The following OXR1 variants were observed in gnomAD, a reference collection of about 807,000 sequenced individuals.
OXR1 encodes oxidation resistance protein 1.
A neutral mutation model predicts 104.6 loss-of-function variants in OXR1; 41 were observed. The observed-to-expected ratio is 0.39, with a 90% CI of 0.31 to 0.51. The LOEUF (loss-of-function observed/expected upper bound fraction) is 0.51, where lower values mean the gene tolerates loss of function less well. Among genes scored for constraint, OXR1 ranks in the 20% least tolerant of loss-of-function variants. The pLI, the probability that OXR1 is intolerant of heterozygous loss-of-function variation, is 0.77. For missense variants in OXR1, 955 were observed against 1,031.9 expected, an observed-to-expected ratio of 0.93 and a Z score of 1.02; for synonymous variants, 348 against 348.4, an observed-to-expected ratio of 1.00 and a Z score of 0.01.
intron 2 of OXR1, among the ~76,000 whole-genome samples, chr8:106,506,686 G>A (rs1428266817): frequency 6.6e-6 from 1 of 152,080 alleles, no homozygotes; most frequent in Non-Finnish European, 1.5e-5. Context: ...GGGAAAGAGT[G>A]AAAATAGAGC....
At chr8:106,497,926 T>C (rs1160928202) in intron 2 of OXR1, among the ~76,000 whole-genome samples, 1 of 152,164 alleles carries the variant, frequency 6.6e-6, no homozygotes, top group Non-Finnish European at 1.5e-5. Context: ...CCCTGTTTTT[T>C]TCCCCATTCT....
chr8:106,545,315 T>A (rs1456154839), intron 3 of OXR1, among the ~76,000 whole-genome samples: 1 of 152,244 alleles, frequency 6.6e-6, no homozygotes, highest in Non-Finnish European at 1.5e-5. Flanking sequence ...AGCTGGAACG[T>A]TATTTGATCT....
intron 6 of OXR1, among the ~76,000 whole-genome samples, chr8:106,689,681 T>A (rs1294352025): frequency 6.6e-6 from 1 of 152,000 alleles, no homozygotes; most frequent in Non-Finnish European, 1.5e-5. Context: ...TTAAGATATG[T>A]TGAAGGGTTA....
At chr8:106,735,188 C>T (rs1350321385) in intron 11 of OXR1, among the ~76,000 whole-genome samples, 1 of 151,382 alleles carries the variant, frequency 6.6e-6, no homozygotes, top group Non-Finnish European at 1.5e-5. Flanking sequence ...AAATTCAAAT[C>T]TCTTTTTTCT....
chr8:106,637,937 A>AT (rs969554826), intron 3 of OXR1, among the ~76,000 whole-genome samples: 31 of 149,490 alleles, frequency 2.1e-4, no homozygotes, highest in African/African-American at 7.1e-4. Context: ...ACTTTTTTGT[A>AT]TTTTTTTTTA....
intron 2 of OXR1, among the ~76,000 whole-genome samples, chr8:106,494,437 G>A (rs1186083266): frequency 6.6e-6 from 1 of 152,082 alleles, no homozygotes; most frequent in Non-Finnish European, 1.5e-5. Flanking sequence ...CAGTAGGTGT[G>A]CACTGTAAGG....
intron 3 of OXR1, among the ~76,000 whole-genome samples, chr8:106,670,009 G>T (rs1184026075): frequency 6.6e-6 from 1 of 152,144 alleles, no homozygotes; most frequent in Non-Finnish European, 1.5e-5. Flanking sequence ...GAGGACAAAG[G>T]TCTAAGGAGG....
intron 2 of OXR1, among the ~76,000 whole-genome samples, chr8:106,508,460 A>C (rs1265039993): frequency 1.4e-5 from 2 of 142,192 alleles, no homozygotes; most frequent in Admixed American, 1.5e-4. Context: ...ACTAGAACAG[A>C]TACACCTAGT....
rs1162502109 is a variant in OXR1 at position 106,671,118 on chromosome 8, C to A, written c.221-8092C>A. ...AAACTTTAATTCAGATTCAAGCATCCCTATCAACCTCTAGTGGAAACCACA... is the reference window on the plus strand; with the variant it reads ...AAACTTTAATTCAGATTCAAGCATCACTATCAACCTCTAGTGGAAACCACA... On this transcript the variant is annotated intron_variant, in intron 3 of 16. Transcript: ENST00000517566. 1.3e-5 allele frequency among the ~76,000 whole-genome samples: 2 copies of A among 149,144 alleles called. 1 individual carries two copies. The highest frequency in any genetic ancestry group is 3.9e-4 in the East Asian group (2 of 5,142).
At chr8:106,547,967 A>T (rs967693369) in intron 3 of OXR1, among the ~76,000 whole-genome samples, 3 of 152,162 alleles carry the variant, frequency 2.0e-5, no homozygotes, top group Admixed American at 1.3e-4. Context: ...CCCTGCTTTC[A>T]GTTCATTTGG....
At chr8:106,738,998 T>C (rs1347267922) in intron 12 of OXR1, among the ~76,000 whole-genome samples, 5 of 151,808 alleles carry the variant, frequency 3.3e-5, no homozygotes, top group Admixed American at 1.3e-4. Context: ...ACATTAAAAT[T>C]TTGGCACCCA....
In OXR1 at chr8:106,506,675, A is replaced by G. The variant is rs79077430; in HGVS notation, c.24-12268A>G. Among the ~76,000 whole-genome samples the G allele has an allele frequency of 6.5e-3, 993 of 152,284 alleles. 14 individuals carry two copies. The highest frequency in any genetic ancestry group is 0.023 in the African/African-American group (938 of 41,550). On this transcript the variant is annotated intron_variant, in intron 2 of 16. Transcript: ENST00000517566. Reference sequence around the variant, plus strand: ...CCCAAAGAAATAGACTACAATATCTAGGGAAAGAGTGAAAATAGAGCAGAG... The same window carrying G: ...CCCAAAGAAATAGACTACAATATCTGGGGAAAGAGTGAAAATAGAGCAGAG...
intron 3 of OXR1, among the ~76,000 whole-genome samples, chr8:106,636,316 T>A (rs1389105456): frequency 3.7e-5 from 2 of 54,566 alleles, no homozygotes; most frequent in Non-Finnish European, 7.3e-5. Flanking sequence ...AAGCACATCA[T>A]TTTTTTTTTT....
At chr8:106,521,438 A>G (rs1192926024) in intron 3 of OXR1, among the ~76,000 whole-genome samples, 1 of 152,018 alleles carries the variant, frequency 6.6e-6, no homozygotes, top group Non-Finnish European at 1.5e-5. Context: ...AATTAAATCT[A>G]TGTTCTCTTG....
chr8:106,603,926 G>T lies in OXR1; in HGVS notation c.221-75284G>T, dbSNP rs967155389. Among the ~76,000 whole-genome samples, 4 of 152,004 alleles carry T rather than the reference G, an allele frequency of 2.6e-5. No homozygotes were observed. In the East Asian group the frequency reaches 7.8e-4, roughly 30 times the overall value. ...AAATTAGCTGGGCGTGGTGGTGCATGCCTGTAGTCCCAGCTACTCGGGAGG... is the reference window on the plus strand; with the variant it reads ...AAATTAGCTGGGCGTGGTGGTGCATTCCTGTAGTCCCAGCTACTCGGGAGG... On this transcript the variant is annotated intron_variant, in intron 3 of 16. Coordinates refer to ENST00000517566, the MANE Select transcript of OXR1 (RefSeq NM_001198533.2).
intron 7 of OXR1, 95 bp from the exon 8 acceptor site, chr8:106,702,811 T>A (rs917153757): frequency 1.5e-5 from 14 of 904,896 alleles, no homozygotes; most frequent in African/African-American, 1.0e-4. Context: ...TTTTTATATA[T>A]GGCCTAACAT....
At chr8:106,720,304 A>G (rs1291606936) in intron 11 of OXR1, among the ~76,000 whole-genome samples, 1 of 152,172 alleles carries the variant, frequency 6.6e-6, no homozygotes, top group African/African-American at 2.4e-5. Flanking sequence ...TGGGGCTAGG[A>G]CCTAGTTATC....
chr8:106,295,949 C>T (rs139742703), intron 1 of OXR1, among the ~76,000 whole-genome samples: 2 of 152,178 alleles, frequency 1.3e-5, no homozygotes, highest in African/African-American at 4.8e-5. Flanking sequence ...GTGGAGATCT[C>T]AGAGCCTGGA....
intron 2 of OXR1, among the ~76,000 whole-genome samples, chr8:106,466,381 G>C (rs530362875): frequency 6.6e-6 from 1 of 151,636 alleles, no homozygotes; most frequent in South Asian, 2.1e-4. Flanking sequence ...CAGACAAGAG[G>C]GACTTCTTTT....
Sources: gnomAD v4.1 joint callset for allele counts (sites outside exome capture counted in the v4.1 genomes callset) on GRCh38, gnomAD v4.1.1 for gene constraint, MANE v1.5 for transcripts, NCBI Gene and HGNC (gene_info 2026-07-23, HGNC 2026-07-21) for gene names.